Variants in RBFOX1 observed in about 807,000 individuals in gnomAD.
RBFOX1 encodes RNA binding fox-1 homolog 1, also known as RNA binding protein fox-1 homolog 1.
Under a neutral mutation model 57.7 loss-of-function variants are expected in RBFOX1, and 8 were observed. That is an observed-to-expected ratio of 0.14 (90% CI 0.08 to 0.25). The LOEUF (loss-of-function observed/expected upper bound fraction) is 0.25, where lower values mean the gene tolerates loss of function less well. Ranked by LOEUF, RBFOX1 falls within the 10% of genes least tolerant of loss-of-function variation. The pLI, the probability that RBFOX1 is intolerant of heterozygous loss-of-function variation, is 1.00. For missense variants in RBFOX1, 611 were observed against 548.5 expected (o/e 1.11, Z -1.14); for synonymous variants, 326 against 222.4 (o/e 1.47, Z -4.15).
intron 3 of RBFOX1, among the ~76,000 whole-genome samples, chr16:6,893,875 G>C (rs957419827): frequency 3.9e-5 from 6 of 152,132 alleles, no homozygotes; most frequent in Non-Finnish European, 7.3e-5. Context: ...GAATAGTTTA[G>C]GTTGTCTGAT....
chr16:6,214,925 A>G, intron 1 of RBFOX1, among the ~76,000 whole-genome samples: 1 of 113,944 alleles, frequency 8.8e-6, no homozygotes, highest in Admixed American at 9.0e-5. Context: ...GGGGAGAGGG[A>G]GAGGGAGAGG....
chr16:7,441,948 T>C (rs564942118), intron 4 of RBFOX1, among the ~76,000 whole-genome samples: 2 of 152,230 alleles, frequency 1.3e-5, no homozygotes, highest in African/African-American at 2.4e-5. Context: ...TGCATCTGCA[T>C]TGGGGCTGCC....
At chr16:6,569,032 C>T (rs550785012) in intron 2 of RBFOX1, among the ~76,000 whole-genome samples, 1 of 152,208 alleles carries the variant, frequency 6.6e-6, no homozygotes, top group East Asian at 1.9e-4. Flanking sequence ...CTCAGCCTCC[C>T]ACAATACTGG....
At chr16:5,551,656 C>T (rs1287780058) in intron 2 of RBFOX1, among the ~76,000 whole-genome samples, 1 of 152,012 alleles carries the variant, frequency 6.6e-6, no homozygotes, top group Non-Finnish European at 1.5e-5. Context: ...TTTAACCTTA[C>T]GTTCTGGGAT....
chr16:6,207,095 A>T (rs779422699), intron 1 of RBFOX1, among the ~76,000 whole-genome samples: 1 of 151,526 alleles, frequency 6.6e-6, no homozygotes, highest in Non-Finnish European at 1.5e-5. Flanking sequence ...TTTAGCTATG[A>T]CCCCCTGCAT....
intron 4 of RBFOX1, among the ~76,000 whole-genome samples, chr16:7,214,613 G>C (rs183496070): frequency 2.0e-5 from 3 of 152,018 alleles, no homozygotes; most frequent in East Asian, 3.9e-4. Context: ...ATAACTTTTA[G>C]TACAAATCTG....
chr16:6,076,469 C>T (rs2095903089), intron 1 of RBFOX1, among the ~76,000 whole-genome samples: 1 of 151,990 alleles, frequency 6.6e-6, no homozygotes, highest in South Asian at 2.1e-4. Flanking sequence ...TCAGCCTTGC[C>T]TGTTTTTTTG....
intron 1 of RBFOX1, among the ~76,000 whole-genome samples, chr16:5,278,239 C>T (rs1264852072): frequency 1.3e-5 from 2 of 152,144 alleles, no homozygotes; most frequent in African/African-American, 4.8e-5. Context: ...TTTTGATTTG[C>T]ATTTCCGTGA....
intron 3 of RBFOX1, among the ~76,000 whole-genome samples, chr16:6,711,978 T>C (rs1044495115): frequency 8.5e-5 from 13 of 152,216 alleles, no homozygotes; most frequent in Non-Finnish European, 7.3e-5. Flanking sequence ...GCATTTTGTA[T>C]AGTATACGTT....
chr16:5,876,070 T>C (rs533910737), intron 4 of RBFOX1, among the ~76,000 whole-genome samples: 1 of 152,204 alleles, frequency 6.6e-6, no homozygotes, highest in East Asian at 1.9e-4. Context: ...GTCTTGATCT[T>C]ATGACCTCGT....
chr16:6,428,441 GTTTA>G (rs926661899), intron 2 of RBFOX1, among the ~76,000 whole-genome samples: 1 of 152,064 alleles, frequency 6.6e-6, no homozygotes, highest in African/African-American at 2.4e-5. Flanking sequence ...TGTGTATGTA[GTTTA>G]TTTATATTGT....
chr16:6,529,374 C>A (rs1027988111), intron 2 of RBFOX1, among the ~76,000 whole-genome samples: 21 of 152,124 alleles, frequency 1.4e-4, no homozygotes, highest in African/African-American at 4.6e-4. Flanking sequence ...GCCTGACCAA[C>A]TTGGTGATAC....
At chr16:5,565,799 TGGACATG>T (rs1282264941) in intron 2 of RBFOX1, among the ~76,000 whole-genome samples, 1 of 152,092 alleles carries the variant, frequency 6.6e-6, no homozygotes, top group Non-Finnish European at 1.5e-5. Context: ...TAGTTTTATG[TGGACATG>T]GGAAATAAGA....
intron 2 of RBFOX1, among the ~76,000 whole-genome samples, chr16:6,369,982 G>A (rs2090186466): frequency 6.6e-6 from 1 of 152,120 alleles, no homozygotes; most frequent in Admixed American, 6.5e-5. Context: ...ATTTCATTTA[G>A]TTGTCAAGTC....
rs1447497696 is a variant in RBFOX1, at chr16:6,035,231, C to A, written c.-127+15239C>A. Reference sequence around the variant, plus strand: ...AAAGAGCAAAATATGCCGTGGGCATCTGTAGCATAACACCAGAGACATGTA... The same window carrying A: ...AAAGAGCAAAATATGCCGTGGGCATATGTAGCATAACACCAGAGACATGTA... On this transcript the variant is annotated intron_variant, in intron 1 of 15. Transcript: ENST00000550418. 2.6e-5 allele frequency among the ~76,000 whole-genome samples: 4 copies of A among 152,206 alleles called. 1 individual carries two copies. The highest frequency in any genetic ancestry group is 5.9e-5 in the Non-Finnish European group (4 of 68,042).
chr16:5,682,172 T>G lies in RBFOX1; in HGVS notation c.318+83211T>G, dbSNP rs548227702. On this transcript the variant is annotated intron_variant, in intron 3 of 19. Transcript: ENST00000641259. ...AAAGCTATTAATGTAAATTAATGATTGCTCCTGCTGGCTTTGTTACAGTTT... is the reference window on the plus strand; with the variant it reads ...AAAGCTATTAATGTAAATTAATGATGGCTCCTGCTGGCTTTGTTACAGTTT... Among the ~76,000 whole-genome samples, 9 of 152,340 alleles carry G rather than the reference T, an allele frequency of 5.9e-5. No homozygotes were observed. The South Asian group carries it at 1.0e-3, about 18-fold the overall frequency.
intron 14 of RBFOX1, among the ~76,000 whole-genome samples, chr16:7,681,653 G>A (rs1369108791): frequency 6.6e-6 from 1 of 152,072 alleles, no homozygotes; most frequent in Non-Finnish European, 1.5e-5. Flanking sequence ...TACCATTTAA[G>A]GGCTTATTTT....
chr16:6,837,223 C>T (rs2093164777), intron 3 of RBFOX1, among the ~76,000 whole-genome samples: 2 of 152,174 alleles, frequency 1.3e-5, no homozygotes, highest in Non-Finnish European at 2.9e-5. Flanking sequence ...AACTGTGGAT[C>T]TCCGTGTTTT....
At chr16:6,673,704 G>A (rs2098782533) in intron 3 of RBFOX1, among the ~76,000 whole-genome samples, 2 of 152,226 alleles carry the variant, frequency 1.3e-5, no homozygotes, top group South Asian at 4.1e-4. Flanking sequence ...TGACCCATGT[G>A]CCTGGCAGAG....
Sources: gnomAD v4.1 joint callset for allele counts (sites outside exome capture counted in the v4.1 genomes callset) on GRCh38, gnomAD v4.1.1 for gene constraint, MANE v1.5 for transcripts, NCBI Gene and HGNC (gene_info 2026-07-23, HGNC 2026-07-21) for gene names.